The following ADCY4 variants were observed in gnomAD, a reference collection of about 807,000 sequenced individuals.
ADCY4 encodes adenylate cyclase 4.
Under a neutral mutation model 125.5 loss-of-function variants are expected in ADCY4, and 111 were observed. The ratio of observed to expected loss-of-function variants is 0.88; its 90% CI spans 0.76 to 1.04. The LOEUF (loss-of-function observed/expected upper bound fraction) is 1.04. Ranked by LOEUF, ADCY4 falls within the 50% of genes least tolerant of loss-of-function variation. The pLI, the probability that ADCY4 is intolerant of heterozygous loss-of-function variation, is 0.00. For missense variants in ADCY4, 1,256 were observed against 1,382.9 expected, an observed-to-expected ratio of 0.91 and a Z score of 1.46; for synonymous variants, 576 against 586.9, an observed-to-expected ratio of 0.98 and a Z score of 0.27.
At chr14:24,333,817 C>G (rs2042089219) in intron 1 of ADCY4, among the ~76,000 whole-genome samples, 1 of 152,150 alleles carries the variant, frequency 6.6e-6, no homozygotes, top group Non-Finnish European at 1.5e-5. Context: ...CCGCGGCGTC[C>G]CGCACCTCCC....
Position 24,319,666 on chromosome 14 carries a change from G to T in ADCY4, c.2733+76C>A, listed in dbSNP as rs951192566. On this transcript the variant is annotated intron_variant, in intron 21 of 24. Transcript: ENST00000418030. The surrounding 1 kb of genome is among the most constrained non-coding windows in gnomAD (Gnocchi z 4.5). ...GAGGATTGACTTCATGGCCAGAAAA[G>T]CAAAGTGGAAGGAGGTACTGGTGGA... is the stretch of plus-strand genomic sequence containing the variant. 4 of 1,588,694 alleles carry T rather than the reference G, an allele frequency of 2.5e-6. No homozygotes were observed. Among genetic ancestry groups the T allele is most frequent in the Non-Finnish European group, 3.4e-6 (4 of 1,161,150 alleles).
chr14:24,321,326 CAGG>C (rs372340454), intron 20 of ADCY4, among the ~76,000 whole-genome samples: 200 of 151,810 alleles, frequency 1.3e-3, no homozygotes, highest in African/African-American at 4.6e-3. Context: ...GAGGCTGAGG[CAGG>C]AGAATTGCTT....
At position 24,322,967 on chromosome 14, in the gene ADCY4, T is replaced by C. The variant is rs1594652401; in HGVS notation, c.2279A>G (p.His760Arg). 10 of 1,613,358 alleles carry C rather than the reference T, an allele frequency of 6.2e-6. No homozygotes were observed. The highest frequency in any genetic ancestry group is 7.6e-6 in the Non-Finnish European group (9 of 1,179,792). The stretch of plus-strand genomic sequence containing the variant: ...GCATTCCGACAGCCAGGCATGGGAG[T>C]GCAGGAAGAGGGAGCAGGATGCCGC... ...WLAASCSLFL[H>R]SHAWLSECLI... Residue 760 changes from histidine to arginine, a missense_variant, in exon 18 of 25, where the codon CAC becomes CGC. Coordinates refer to ENST00000418030, the MANE Select transcript of ADCY4 (RefSeq NM_001198568.2).
rs755084061 is a variant in ADCY4 at position 24,318,705 on chromosome 14, T to G, written c.3030A>C (p.Thr1010=). 1 of 1,614,212 alleles carries G rather than the reference T, an allele frequency of 6.2e-7. No individual in the cohort carries two copies. The highest frequency in any genetic ancestry group is 1.1e-5 in the South Asian group (1 of 91,090). The change falls in exon 24 of 25, where the codon ACA becomes ACC. Residue 1010 remains threonine, a synonymous_variant. Transcript: ENST00000418030. Reference sequence around the variant, plus strand: ...TCTCCATGCGGCTGGCCACGTTCACTGTGTTGCCCCAAATGTCATATTGCG... The same window carrying G: ...TCTCCATGCGGCTGGCCACGTTCACGGTGTTGCCCCAAATGTCATATTGCG... ...QKPQYDIWGN[T]VNVASRMEST...
chr14:24,326,896 AT>A lies in ADCY4; in HGVS notation c.1525-555del, dbSNP rs3078135. Among the ~76,000 whole-genome samples, 477 of 109,896 alleles carry A rather than the reference AT, an allele frequency of 4.3e-3. 4 individuals carry two copies. Among genetic ancestry groups the A allele is most frequent in the African/African-American group, 0.014 (357 of 25,748 alleles). 72.1% of individuals were successfully genotyped at this position (109,896 alleles called of 152,430 possible). ...GGCATGAGCCACCGTACCTGGCTGG[AT>A]TTTTTTTTTTTTTTTTGCAACGGAG... On this transcript the variant is annotated intron_variant, in intron 10 of 24. Transcript: ENST00000418030.
chr14:24,318,613 T>A, intron 24 of ADCY4, 41 bp downstream of exon 24: 1 of 1,614,068 alleles, frequency 6.2e-7, no homozygotes, highest in Non-Finnish European at 8.5e-7. Flanking sequence ...GGCCCTATTC[T>A]TAGTCCCCCT....
chr14:24,324,500 C>T, intron 14 of ADCY4, 109 bp from the exon 15 acceptor site: 1 of 1,293,656 alleles, frequency 7.7e-7, no homozygotes, highest in African/African-American at 1.5e-5. Flanking sequence ...TCTGGGGAAT[C>T]TGGGTTGGCT....
intron 10 of ADCY4, among the ~76,000 whole-genome samples, chr14:24,326,971 A>G (rs934808453): frequency 7.3e-6 from 1 of 136,442 alleles, no homozygotes; most frequent in African/African-American, 2.9e-5. Flanking sequence ...ATCTCAGCTC[A>G]CTGCAACCTC....
rs117868579 is a variant in ADCY4 at position 24,331,998 on chromosome 14, A to G, written c.520-61T>C. Reference sequence around the variant, plus strand: ...CCGGGTGCTTGTCGTGTGTAGTTGGAGTTGGTCTCAAAGACTGGCTGGGGA... The same window carrying G: ...CCGGGTGCTTGTCGTGTGTAGTTGGGGTTGGTCTCAAAGACTGGCTGGGGA... On this transcript the variant is annotated intron_variant, in intron 3 of 24. Coordinates refer to ENST00000418030, the MANE Select transcript of ADCY4 (RefSeq NM_001198568.2). 9.1e-3 allele frequency: 13,210 copies of G among 1,451,302 alleles called. 83 individuals are homozygous for G. Among genetic ancestry groups the G allele is most frequent in the Non-Finnish European group, 0.011 (12,117 of 1,091,250 alleles). 89.9% of individuals were successfully genotyped at this position (1,451,302 alleles called of 1,614,324 possible). A position where few individuals can be genotyped will look rare whatever the true frequency, so the allele number is the denominator to read the frequency against.
intron 20 of ADCY4, 37 bp downstream of exon 20, chr14:24,322,029 G>A (rs1005127393): frequency 4.4e-6 from 7 of 1,583,614 alleles, no homozygotes; most frequent in South Asian, 1.1e-5. Context: ...AGGCCCTATG[G>A]CATCCGTGGC....
At chr14:24,323,315 G>A (rs2041885754) in intron 17 of ADCY4, 29 bp downstream of exon 17, 4 of 1,528,686 alleles carry the variant, frequency 2.6e-6, no homozygotes, top group African/African-American at 1.4e-5. Flanking sequence ...GTGTGCAGAA[G>A]GAGATTAAGG....
Position 24,332,997 on chromosome 14 carries a change from AG to A in ADCY4, c.160-10del. 1 of 1,516,990 alleles carries A rather than the reference AG, an allele frequency of 6.6e-7. No individual in the cohort carries two copies. Among genetic ancestry groups the A allele is most frequent in the Non-Finnish European group, 8.8e-7 (1 of 1,132,214 alleles). The allele number at this position is 1,516,990 out of a possible 1,614,324, so 94.0% of individuals were successfully genotyped here. ...GGGTCTGAGGTCAGCTCCTGTGGGC[AG>A]GGGTGTGTGAGGCAAGATTGTGACA... is the stretch of plus-strand genomic sequence containing the variant. On this transcript the variant is annotated splice_polypyrimidine_tract_variant and intron_variant, in intron 1 of 24. Coordinates refer to ENST00000418030, the MANE Select transcript of ADCY4 (RefSeq NM_001198568.2).
chr14:24,319,108 G>A lies in ADCY4; in HGVS notation c.2946C>T (p.Arg982=). 1 of 1,613,986 alleles carries A rather than the reference G, an allele frequency of 6.2e-7. No homozygotes were observed. Among genetic ancestry groups the A allele is most frequent in the Non-Finnish European group, 8.5e-7 (1 of 1,180,012 alleles). The change falls in exon 23 of 25, where the codon CGC becomes CGT. Residue 982 remains arginine, a synonymous_variant. Transcript: ENST00000418030. The surrounding 1 kb of genome is among the most constrained non-coding windows in gnomAD (Gnocchi z 4.5). ...GGGGAAGTCTCTCACCCACTCGCAG[G>A]CGGAAGTTGTTGAATGAATGCTTGT... ...VINKHSFNNF[R]LRVGLNHGPV...
intron 10 of ADCY4, among the ~76,000 whole-genome samples, chr14:24,327,253 G>C (rs1303862142): frequency 6.6e-6 from 1 of 152,068 alleles, no homozygotes; most frequent in Non-Finnish European, 1.5e-5. Flanking sequence ...GGATTTCTGT[G>C]CTAGTGAAGG....
Position 24,329,502 on chromosome 14 carries a change from G to A in ADCY4, c.1249C>T (p.Leu417=). The change falls in exon 9 of 25, where the codon CTG becomes TTG. Residue 417 remains leucine (L), a synonymous_variant. Transcript: ENST00000418030. ...TCCACAGCATAAGCCCCTGCCAGCA[G>A]GGCCAGGGTAGCCCCTGTGATGTGC... The part of the protein sequence containing the change: ...RVHITGATLA[L]LAGAYAVEDA... 2 of 1,560,546 alleles carry A rather than the reference G, an allele frequency of 1.3e-6. No individual in the cohort carries two copies. Among genetic ancestry groups the A allele is most frequent in the Non-Finnish European group, 1.7e-6 (2 of 1,156,788 alleles).
At chr14:24,327,791 A>G (rs1171166520) in intron 10 of ADCY4, among the ~76,000 whole-genome samples, 1 of 152,228 alleles carries the variant, frequency 6.6e-6, no homozygotes, top group Admixed American at 6.5e-5. Flanking sequence ...GGAGTTATGG[A>G]CATGGTGTGT....
At position 24,322,182 on chromosome 14, in the gene ADCY4, GCTT is replaced by G; in HGVS notation, c.2467_2469del (p.Lys823del). 1.9e-6 allele frequency: 3 copies of G among 1,614,064 alleles called. No homozygotes were observed. Among genetic ancestry groups the G allele is most frequent in the Non-Finnish European group, 2.5e-6 (3 of 1,179,980 alleles). ...TCTGTCTCCTCCCTCTCCTGCCTCA[GCTT>G]CTTCTTCCACAGGAAGTCCAGGCGG... is the stretch of plus-strand genomic sequence containing the variant. On this transcript the variant is annotated inframe_deletion, in exon 20 of 25. Transcript: ENST00000418030.
chr14:24,328,703 T>TC (rs1027654876), intron 10 of ADCY4: 1 of 234,516 alleles, frequency 4.3e-6, no homozygotes, highest in Non-Finnish European at 8.4e-6. Context: ...GTGGTAGTGG[T>TC]CCCCCGGGCC....
intron 24 of ADCY4, 43 bp from the exon 25 acceptor site, chr14:24,318,611 T>A: frequency 6.2e-7 from 1 of 1,614,056 alleles, no homozygotes; most frequent in Non-Finnish European, 8.5e-7. Context: ...GTGGCCCTAT[T>A]CTTAGTCCCC....
Sources: gnomAD v4.1 joint callset for allele counts (sites outside exome capture counted in the v4.1 genomes callset) on GRCh38, gnomAD v4.1.1 for gene constraint, Gnocchi (gnomAD v3.1) non-coding constraint, MANE v1.5 for transcripts, NCBI Gene and HGNC (gene_info 2026-07-23, HGNC 2026-07-21) for gene names.